ADAM10: variants seen among roughly 807,000 people sequenced by gnomAD.
ADAM10 encodes the protein disintegrin and metalloproteinase domain-containing protein 10.
A neutral mutation model predicts 90.1 loss-of-function variants in ADAM10; 17 were observed. The ratio of observed to expected loss-of-function variants is 0.19; its 90% CI spans 0.13 to 0.28. The LOEUF is 0.28. Among genes scored for constraint, ADAM10 ranks in the 10% least tolerant of loss-of-function variants. ADAM10 has a pLI of 1.00. For missense variants in ADAM10, 610 were observed against 914.3 expected (o/e 0.67, Z 4.29); for synonymous variants, 310 against 298.6 (o/e 1.04, Z -0.40).
rs145116425 is a variant in ADAM10, at chr15:58,595,095, T to C, written c.*2452A>G. 3.1e-4 allele frequency: 47 copies of C among 152,258 alleles called. No homozygotes were observed. The highest frequency in any genetic ancestry group is 1.1e-3 in the African/African-American group (47 of 41,566). 9.4% of individuals were successfully genotyped at this position (152,258 alleles called of 1,614,324 possible). A position where few individuals can be genotyped will look rare whatever the true frequency, so the allele number is the denominator to read the frequency against. ...AAATGAGGTACTTAGCATTCAAAAC[T>C]TTGAAAAACACATAAAAACAAGACC... On this transcript the variant is annotated 3_prime_UTR_variant, in exon 16 of 16. Transcript: ENST00000260408.
At chr15:58,727,546 G>T (rs1406133088) in intron 1 of ADAM10, among the ~76,000 whole-genome samples, 3 of 152,024 alleles carry the variant, frequency 2.0e-5, no homozygotes, top group African/African-American at 7.3e-5. Context: ...TGTCTAGGCT[G>T]GTCTCAAACA....
At chr15:58,711,495 A>G (rs1426222753) in intron 2 of ADAM10, among the ~76,000 whole-genome samples, 2 of 152,174 alleles carry the variant, frequency 1.3e-5, no homozygotes. Context: ...ATTAGTCTGA[A>G]TTAACCACAC....
intron 2 of ADAM10, among the ~76,000 whole-genome samples, chr15:58,713,270 T>C (rs1684999762): frequency 6.6e-6 from 1 of 151,980 alleles, no homozygotes; most frequent in Non-Finnish European, 1.5e-5. Context: ...CTTTGCTAAG[T>C]TTCTTCTAAT....
At chr15:58,692,147 C>A (rs1198730978) in intron 2 of ADAM10, 1 of 524,156 alleles carries the variant, frequency 1.9e-6, no homozygotes, top group Non-Finnish European at 3.8e-6. Context: ...ATGATGGACA[C>A]AGAGTTGTTC....
intron 8 of ADAM10, among the ~76,000 whole-genome samples, chr15:58,639,889 T>A (rs1320492991): frequency 6.9e-6 from 1 of 145,428 alleles, no homozygotes; most frequent in Non-Finnish European, 1.5e-5. Flanking sequence ...AAAGCAGAAG[T>A]TTTTTTTAAA....
intron 2 of ADAM10, among the ~76,000 whole-genome samples, chr15:58,697,223 C>G (rs1898004742): frequency 6.6e-6 from 1 of 152,188 alleles, no homozygotes; most frequent in Non-Finnish European, 1.5e-5. Context: ...GCTACTACAC[C>G]TTTACAAGTG....
chr15:58,668,246 C>T (rs562801698), intron 4 of ADAM10, among the ~76,000 whole-genome samples: 3 of 152,104 alleles, frequency 2.0e-5, no homozygotes, highest in Non-Finnish European at 2.9e-5. Context: ...GTGTCTTGTA[C>T]AGATTAGGCA....
chr15:58,688,932 G>A (rs1596070317), intron 2 of ADAM10, among the ~76,000 whole-genome samples: 1 of 146,012 alleles, frequency 6.8e-6, no homozygotes, highest in African/African-American at 2.5e-5. Flanking sequence ...CAGAGCCTCA[G>A]TAACCTATCA....
chr15:58,620,082 T>C (rs1247323866), intron 11 of ADAM10, among the ~76,000 whole-genome samples: 1 of 152,168 alleles, frequency 6.6e-6, no homozygotes, highest in African/African-American at 2.4e-5. Flanking sequence ...TCAGTATTTT[T>C]TCAGTTACAT....
At chr15:58,610,944 G>C in intron 13 of ADAM10, 55 bp downstream of exon 13, 2 of 1,336,802 alleles carry the variant, frequency 1.5e-6, no homozygotes, top group South Asian at 2.3e-5. Context: ...TAAAATTTAG[G>C]AGAAAATAAT....
chr15:58,640,207 A>T (rs1029880257), intron 8 of ADAM10, among the ~76,000 whole-genome samples: 2 of 152,194 alleles, frequency 1.3e-5, no homozygotes, highest in Non-Finnish European at 2.9e-5. Context: ...AACCCAGGTG[A>T]TGATGTCAAT....
At chr15:58,722,532 C>CAA (rs35957082) in intron 1 of ADAM10, among the ~76,000 whole-genome samples, 101 of 122,404 alleles carry the variant, frequency 8.3e-4, no homozygotes, top group African/African-American at 2.1e-3. Context: ...GACCCTATCT[C>CAA]AAAAAAAAAA....
chr15:58,703,170 G>C (rs1343544625), intron 2 of ADAM10, among the ~76,000 whole-genome samples: 1 of 151,430 alleles, frequency 6.6e-6, no homozygotes, highest in East Asian at 1.9e-4. Context: ...TCAATAAAAA[G>C]CTATCTGAAA....
chr15:58,738,924 T>G (rs1158132178), intron 1 of ADAM10, among the ~76,000 whole-genome samples: 1 of 152,148 alleles, frequency 6.6e-6, no homozygotes, highest in African/African-American at 2.4e-5. Flanking sequence ...TACATCACTT[T>G]CACACTCACA....
intron 2 of ADAM10, among the ~76,000 whole-genome samples, chr15:58,704,780 T>G (rs1209497421): frequency 1.3e-5 from 2 of 152,142 alleles, no homozygotes; most frequent in Non-Finnish European, 2.9e-5. Flanking sequence ...ACCCTCAGAG[T>G]AACAGTACAA....
chr15:58,637,687 T>C (rs1266947273), intron 8 of ADAM10, among the ~76,000 whole-genome samples: 7 of 152,168 alleles, frequency 4.6e-5, no homozygotes, highest in African/African-American at 1.4e-4. Context: ...GGCTAAGATG[T>C]TACTGTGTGT....
At chr15:58,709,723 G>A (rs1480260893) in intron 2 of ADAM10, among the ~76,000 whole-genome samples, 1 of 151,974 alleles carries the variant, frequency 6.6e-6, no homozygotes, top group Non-Finnish European at 1.5e-5. Flanking sequence ...CTGGGTGACA[G>A]AGCAAGACTC....
chr15:58,660,542 T>G (rs570405670), intron 5 of ADAM10, among the ~76,000 whole-genome samples: 2 of 152,296 alleles, frequency 1.3e-5, no homozygotes, highest in South Asian at 4.1e-4. Flanking sequence ...GGTCTTGAAC[T>G]CTTGGCCTCA....
chr15:58,720,101 A>C (rs1898792250), intron 1 of ADAM10, among the ~76,000 whole-genome samples: 1 of 152,196 alleles, frequency 6.6e-6, no homozygotes, highest in Non-Finnish European at 1.5e-5. Flanking sequence ...TAATTATTTA[A>C]CTTTTTTAAA....
Sources: allele counts gnomAD v4.1 joint callset (sites outside exome capture counted in the v4.1 genomes callset), GRCh38; gene constraint gnomAD v4.1.1; transcripts MANE v1.5; gene names NCBI Gene and HGNC (gene_info 2026-07-23, HGNC 2026-07-21).